TMEM255B: variants seen among roughly 807,000 people sequenced by gnomAD.
TMEM255B encodes family with sequence similarity 70, member B.
In TMEM255B, 35 loss-of-function variants were observed where a neutral mutation model predicts 34.5. That is an observed-to-expected ratio of 1.01 (90% CI 0.77 to 1.34). The LOEUF (loss-of-function observed/expected upper bound fraction) is 1.34. Ranked by LOEUF, TMEM255B falls within the 40% of genes most tolerant of loss-of-function variation. The pLI is 0.00. For missense variants in TMEM255B, 432 were observed against 433.2 expected (o/e 1.00, Z 0.02); for synonymous variants, 206 against 201.2 (o/e 1.02, Z -0.20).
intron 8 of TMEM255B, among the ~76,000 whole-genome samples, chr13:113,808,225 C>T (rs912371395): frequency 2.0e-5 from 3 of 152,106 alleles, no homozygotes; most frequent in Non-Finnish European, 4.4e-5. Context: ...GGAACAGTGA[C>T]TTGGTGGGGG....
At position 113,811,927 on chromosome 13, in the gene TMEM255B, C is replaced by T. The variant is rs761637354; in HGVS notation, c.*24C>T. 7.1e-6 allele frequency: 11 copies of T among 1,546,460 alleles called. No individual in the cohort carries two copies. Among genetic ancestry groups the T allele is most frequent in the South Asian group, 6.0e-5 (5 of 83,332 alleles). ...GATAGAGGCGTGGAGTAAAAGATAACTTGTTTGTTTTTTTTTTTAAAAAAA... is the reference window on the plus strand; with the variant it reads ...GATAGAGGCGTGGAGTAAAAGATAATTTGTTTGTTTTTTTTTTTAAAAAAA... On this transcript the variant is annotated 3_prime_UTR_variant, in exon 9 of 9. Coordinates refer to ENST00000375353, the MANE Select transcript of TMEM255B (RefSeq NM_182614.4).
At chr13:113,763,835 G>T (rs1297599434) in intron 1 of TMEM255B, among the ~76,000 whole-genome samples, 1 of 152,222 alleles carries the variant, frequency 6.6e-6, no homozygotes, top group Non-Finnish European at 1.5e-5. Context: ...TCCAACGAGG[G>T]TTGGCTTTTA....
At chr13:113,794,442 C>T (rs570962729) in intron 3 of TMEM255B, among the ~76,000 whole-genome samples, 57 of 152,158 alleles carry the variant, frequency 3.7e-4, no homozygotes, top group African/African-American at 1.2e-3. Flanking sequence ...TCCATCGGGA[C>T]GGAACCAAGC....
chr13:113,787,234 G>C (rs1284710114), intron 3 of TMEM255B, among the ~76,000 whole-genome samples: 1 of 152,252 alleles, frequency 6.6e-6, no homozygotes, highest in Non-Finnish European at 1.5e-5. Flanking sequence ...GCATCTCCCA[G>C]AGCCAACGGT....
At chr13:113,776,129 C>T (rs1461912813) in intron 3 of TMEM255B, among the ~76,000 whole-genome samples, 1 of 152,160 alleles carries the variant, frequency 6.6e-6, no homozygotes, top group Non-Finnish European at 1.5e-5. Flanking sequence ...AGGACCCTGT[C>T]CCGTCCCCCA....
intron 8 of TMEM255B, among the ~76,000 whole-genome samples, chr13:113,809,331 C>T (rs1307141497): frequency 4.7e-5 from 1 of 21,144 alleles, no homozygotes; most frequent in Admixed American, 7.6e-4. Flanking sequence ...CCATGGTTCC[C>T]GGGGGTTTAA....
intron 2 of TMEM255B, chr13:113,768,178 C>A (rs757239153): frequency 2.1e-6 from 1 of 470,162 alleles, no homozygotes; most frequent in South Asian, 1.6e-5. Context: ...GCGACCGGCC[C>A]GGCGCACCTG....
At chr13:113,804,450 C>A (rs930880155) in intron 7 of TMEM255B, among the ~76,000 whole-genome samples, 2 of 152,074 alleles carry the variant, frequency 1.3e-5, no homozygotes, top group Non-Finnish European at 2.9e-5. Flanking sequence ...TTTTTTCTCC[C>A]CCCCCAAAAA....
At chr13:113,802,475 C>T (rs1384646285) in intron 7 of TMEM255B, among the ~76,000 whole-genome samples, 2 of 152,196 alleles carry the variant, frequency 1.3e-5, no homozygotes, top group Non-Finnish European at 1.5e-5. Context: ...GTGAGGGAGC[C>T]CCAACCCCCA....
At chr13:113,783,782 C>T (rs961558470) in intron 3 of TMEM255B, among the ~76,000 whole-genome samples, 2 of 151,550 alleles carry the variant, frequency 1.3e-5, no homozygotes, top group African/African-American at 2.4e-5. Context: ...AGGGTTTGGT[C>T]GGGTGAGGAG....
chr13:113,777,306 C>G (rs375298175), intron 3 of TMEM255B, among the ~76,000 whole-genome samples: 58 of 152,264 alleles, frequency 3.8e-4, no homozygotes, highest in African/African-American at 1.3e-3. Flanking sequence ...ATCTCTCTGC[C>G]TCTCTTTACA....
Position 113,766,001 on chromosome 13 carries a change from G to A in TMEM255B, c.47-114G>A, listed in dbSNP as rs150115669. On this transcript the variant is annotated intron_variant, in intron 1 of 8. Coordinates refer to ENST00000375353, the MANE Select transcript of TMEM255B (RefSeq NM_182614.4). The stretch of plus-strand genomic sequence containing the variant: ...CCCTGAGGTGGGCCTGGAGGCAGGC[G>A]GGGATAGTGCATCCCAGGACCCCTG... 2.2e-4 allele frequency: 304 copies of A among 1,398,208 alleles called. 2 individuals carry two copies. Among genetic ancestry groups the A allele is most frequent in the East Asian group, 1.3e-3 (58 of 43,424 alleles). 86.6% of individuals were successfully genotyped at this position (1,398,208 alleles called of 1,614,324 possible). A position where few individuals can be genotyped will look rare whatever the true frequency, so the allele number is the denominator to read the frequency against.
intron 8 of TMEM255B, 32 bp from the exon 9 acceptor site, chr13:113,811,704 T>G: frequency 6.2e-7 from 1 of 1,612,212 alleles, no homozygotes; most frequent in Non-Finnish European, 8.5e-7. Context: ...TGGTCTCACC[T>G]GCTAACCCAG....
At position 113,804,963 on chromosome 13, in the gene TMEM255B, T is replaced by C; in HGVS notation, c.748T>C (p.Tyr250His). The C allele has an allele frequency of 6.2e-7, 1 of 1,606,756 alleles. No individual in the cohort carries two copies. The highest frequency in any genetic ancestry group is 8.5e-7 in the Non-Finnish European group (1 of 1,179,772). Residue 250 changes from tyrosine to histidine, a missense_variant, in exon 8 of 9, where the codon TAC becomes CAC. Physicochemically the swap from Tyr to His is moderately conservative, Grantham distance 83. Coordinates refer to ENST00000375353, the MANE Select transcript of TMEM255B (RefSeq NM_182614.4). ...CAACCCCGCCCAGCAGATCCTGGCCTACGCAGGCTTCCGCCTGACGCCCGA... is the reference window on the plus strand; with the variant it reads ...CAACCCCGCCCAGCAGATCCTGGCCCACGCAGGCTTCCGCCTGACGCCCGA... Reference protein sequence around the residue: ...LYNPAQQILAYAGFRLTPEPV... With the variant: ...LYNPAQQILAHAGFRLTPEPV...
At chr13:113,794,819 G>T (rs1042499471) in intron 3 of TMEM255B, among the ~76,000 whole-genome samples, 8 of 152,390 alleles carry the variant, frequency 5.2e-5, no homozygotes, top group South Asian at 2.1e-4. Context: ...ATGCACATGT[G>T]TGTGCGTGTG....
At chr13:113,777,207 G>C (rs989469810) in intron 3 of TMEM255B, among the ~76,000 whole-genome samples, 5 of 152,250 alleles carry the variant, frequency 3.3e-5, no homozygotes, top group African/African-American at 1.2e-4. Context: ...CTCGGCATCT[G>C]TTAGAAGATG....
Position 113,766,218 on chromosome 13 carries a change from G to A in TMEM255B, c.150G>A (p.Thr50=), listed in dbSNP as rs760503058. 9.9e-6 allele frequency: 16 copies of A among 1,614,218 alleles called. No individual in the cohort carries two copies. In the East Asian group the frequency reaches 2.5e-4, roughly 25 times the overall value. ...TCGGGCTGGCTGCCACCACCAGGAC[G>A]GAGAATGTGACCGTTGGGGGCTACT... ...VTVGLAATTR[T]ENVTVGGYYP... is the part of the protein sequence containing the mutation. The change falls in exon 2 of 9, where the codon ACG becomes ACA. Residue 50 remains threonine, a synonymous_variant. Transcript: ENST00000375353.
rs973984817 is a variant in TMEM255B, at chr13:113,813,262, A to G, written c.*1359A>G. 5.3e-5 allele frequency: 8 copies of G among 152,184 alleles called. No homozygotes were observed. Among genetic ancestry groups the G allele is most frequent in the Admixed American group, 5.2e-4 (8 of 15,274 alleles). 9.4% of individuals were successfully genotyped at this position (152,184 alleles called of 1,614,324 possible). A position where few individuals can be genotyped will look rare whatever the true frequency, so the allele number is the denominator to read the frequency against. ...CTCTGTGGGCCGCTCACGGTTCCCC[A>G]GTCACTCCCTCTCCCCTCGGAAGCT... is the stretch of plus-strand genomic sequence containing the variant. On this transcript the variant is annotated 3_prime_UTR_variant, in exon 9 of 9. Transcript: ENST00000375353.
At position 113,768,897 on chromosome 13, in the gene TMEM255B, A is replaced by G. The variant is rs1043143692; in HGVS notation, c.190-201A>G. The stretch of plus-strand genomic sequence containing the variant: ...AAAACCTCTGAGCAGAGAAGACAGG[A>G]CAGGTGATGTTGCAGAGATGCCTGC... On this transcript the variant is annotated intron_variant, in intron 2 of 8. Coordinates refer to ENST00000375353, the MANE Select transcript of TMEM255B (RefSeq NM_182614.4). 4.0e-5 allele frequency: 27 copies of G among 674,756 alleles called. No individual in the cohort carries two copies. The East Asian group carries it at 8.0e-4, about 20-fold the overall frequency. The allele number at this position is 674,756 out of a possible 1,614,324, so 41.8% of individuals were successfully genotyped here.
Sources: allele counts gnomAD v4.1 joint callset (sites outside exome capture counted in the v4.1 genomes callset), GRCh38; gene constraint gnomAD v4.1.1; transcripts MANE v1.5; gene names NCBI Gene and HGNC (gene_info 2026-07-23, HGNC 2026-07-21).